Variants in LAMA3 observed in about 807,000 individuals in gnomAD.
LAMA3 encodes laminin subunit alpha 3.
Under a neutral mutation model 402.0 loss-of-function variants are expected in LAMA3, and 281 were observed. The ratio of observed to expected loss-of-function variants is 0.70; its 90% confidence interval spans 0.63 to 0.77. The LOEUF is 0.77. Among genes scored for constraint, LAMA3 ranks in the 30% least tolerant of loss-of-function variants. The pLI is 0.00. For missense variants in LAMA3, 3,840 were observed against 4,215.5 expected (o/e 0.91, Z 2.47); for synonymous variants, 1,431 against 1,558.4 (o/e 0.92, Z 1.93).
chr18:23,794,382 G>A (rs764767811), intron 12 of LAMA3, among the ~76,000 whole-genome samples: 2 of 152,190 alleles, frequency 1.3e-5, no homozygotes, highest in Admixed American at 6.5e-5. Context: ...AACTGTGGGC[G>A]AAAACCGCTA....
chr18:23,695,868 TG>T (rs2060678277), intron 1 of LAMA3, among the ~76,000 whole-genome samples: 1 of 138,346 alleles, frequency 7.2e-6, no homozygotes, highest in African/African-American at 2.7e-5. Context: ...GGCAGTAAGC[TG>T]TGTTGTGTGT....
At chr18:23,884,719 A>G (rs1462011135) in intron 40 of LAMA3, 54 bp from the exon 41 acceptor site, 3 of 1,455,390 alleles carry the variant, frequency 2.1e-6, no homozygotes, top group African/African-American at 2.8e-5. Context: ...AAAAATAAGC[A>G]TAAATCCTAT....
At position 23,689,903 on chromosome 18, in the gene LAMA3, G is replaced by T; in HGVS notation, c.220G>T (p.Gly74Trp). The T allele has an allele frequency of 6.5e-7, 1 of 1,536,336 alleles. No individual in the cohort carries two copies. ...ATCGERGPGE[G>W]RPQPELYCKL... ...CTGCGGGGAGAGGGGACCCGGCGAG[G>T]GGAGGCCCCAGCCCGAGCTCTACTG... Residue 74 changes from glycine (G) to tryptophan (W), a missense_variant, in exon 1 of 75, where the codon GGG becomes TGG. Transcript: ENST00000313654.
chr18:23,775,999 T>C (rs1160612530), intron 10 of LAMA3, 76 bp downstream of exon 10: 1 of 1,496,778 alleles, frequency 6.7e-7, no homozygotes, highest in Non-Finnish European at 9.3e-7. Flanking sequence ...CTCTGAGGCA[T>C]GGTGGACAGG....
At chr18:23,891,825 A>G (rs1338437040) in intron 42 of LAMA3, among the ~76,000 whole-genome samples, 1 of 152,192 alleles carries the variant, frequency 6.6e-6, no homozygotes, top group Admixed American at 6.5e-5. Context: ...TCCATTGTCT[A>G]AAGCCGGGGT....
At chr18:23,768,181 T>G (rs1342587009) in intron 8 of LAMA3, among the ~76,000 whole-genome samples, 1 of 145,612 alleles carries the variant, frequency 6.9e-6, no homozygotes, top group Admixed American at 6.8e-5. Context: ...AAAAAAAAAC[T>G]ATCAGCAGAG....
At chr18:23,835,736 C>T (rs11874617) in intron 24 of LAMA3, among the ~76,000 whole-genome samples, 221 of 152,176 alleles carry the variant, frequency 1.5e-3, no homozygotes, top group African/African-American at 4.7e-3. Flanking sequence ...AAAAATATGG[C>T]GCAACTGGAA....
At position 23,871,508 on chromosome 18, in the gene LAMA3, T is replaced by C. The variant is rs1319281971; in HGVS notation, c.4845T>C (p.Asp1615=). The part of the protein sequence containing the change: ...ELMTVLSRLA[D]VRIQGLYFTE... Reference sequence around the variant, plus strand: ...TGACAGTGCTGTCTAGACTGGCAGATGTGCGCATCCAAGGCCTCTACTTCA... The same window carrying C: ...TGACAGTGCTGTCTAGACTGGCAGACGTGCGCATCCAAGGCCTCTACTTCA... Residue 1615 remains aspartate (D), a synonymous_variant, in exon 38 of 75, where the codon GAT becomes GAC. Transcript: ENST00000313654. 6.2e-7 allele frequency: 1 copy of C among 1,614,180 alleles called. No homozygotes were observed. Among genetic ancestry groups the C allele is most frequent in the Non-Finnish European group, 8.5e-7 (1 of 1,180,024 alleles).
chr18:23,904,965 C>A (rs894429099), intron 51 of LAMA3, among the ~76,000 whole-genome samples: 2 of 151,990 alleles, frequency 1.3e-5, no homozygotes, highest in Non-Finnish European at 2.9e-5. Context: ...TATATCTTAC[C>A]AGGTATGCTT....
chr18:23,921,120 G>A lies in LAMA3; in HGVS notation c.8043+66G>A, dbSNP rs2145310050. The A allele has an allele frequency of 2.6e-6, 4 of 1,519,586 alleles. No individual in the cohort carries two copies. The South Asian group carries it at 4.5e-5, about 17-fold the overall frequency. The allele number at this position is 1,519,586 out of a possible 1,614,324, so 94.1% of individuals were successfully genotyped here. A position where few individuals can be genotyped will look rare whatever the true frequency, so the allele number is the denominator to read the frequency against. On this transcript the variant is annotated intron_variant, in intron 61 of 74. Coordinates refer to ENST00000313654, the MANE Select transcript of LAMA3 (RefSeq NM_198129.4). ...CTTAGTCCTTTAAAATTAAGTCAGT[G>A]CCCCCAAATAAATAAATAAAACTTC...
chr18:23,927,995 G>A, intron 62 of LAMA3, 128 bp from the exon 63 acceptor site: 1 of 766,870 alleles, frequency 1.3e-6, no homozygotes, highest in East Asian at 2.5e-5. Flanking sequence ...GAATCCCATG[G>A]GAAAGGATAA....
chr18:23,917,460 G>A (rs1172714120), intron 60 of LAMA3, among the ~76,000 whole-genome samples: 17 of 152,168 alleles, frequency 1.1e-4, no homozygotes, highest in Non-Finnish European at 2.5e-4. Flanking sequence ...CACAGTGATT[G>A]AACTAATTTA....
chr18:23,825,589 A>G (rs8098244), intron 21 of LAMA3, among the ~76,000 whole-genome samples: 120,885 of 151,986 alleles, frequency 0.8, 48,852 homozygotes, highest in African/African-American at 0.95. Flanking sequence ...ATTCAAGACA[A>G]CAAAGGAACA....
At chr18:23,867,045 G>A (rs752661063) in intron 36 of LAMA3, among the ~76,000 whole-genome samples, 12 of 152,174 alleles carry the variant, frequency 7.9e-5, no homozygotes, top group Admixed American at 2.6e-4. Flanking sequence ...GTGGGCTGGA[G>A]GCTGAGAGCG....
At chr18:23,715,478 G>C (rs1191831313) in intron 2 of LAMA3, among the ~76,000 whole-genome samples, 1 of 152,080 alleles carries the variant, frequency 6.6e-6, no homozygotes, top group East Asian at 1.9e-4. Flanking sequence ...TTAACTGTAG[G>C]GAAATTAAGA....
intron 65 of LAMA3, chr18:23,931,572 C>T (rs1394663835): frequency 4.5e-6 from 1 of 223,834 alleles, no homozygotes; most frequent in African/African-American, 2.3e-5. Context: ...GTGGTGTATT[C>T]AAATGGAATG....
chr18:23,748,991 T>TGA (rs2061699573), intron 3 of LAMA3, among the ~76,000 whole-genome samples: 1 of 152,192 alleles, frequency 6.6e-6, no homozygotes, highest in East Asian at 1.9e-4. Context: ...CTTTTCCCCT[T>TGA]TATGCAGAAT....
chr18:23,820,883 G>T (rs1310600883), intron 19 of LAMA3, among the ~76,000 whole-genome samples: 3 of 152,090 alleles, frequency 2.0e-5, no homozygotes, highest in Admixed American at 6.5e-5. Flanking sequence ...TCCCCTCATT[G>T]ATTCTAATGC....
At chr18:23,884,917 G>T (rs2065021812) in intron 41 of LAMA3, 64 bp downstream of exon 41, 13 of 1,288,914 alleles carry the variant, frequency 1.0e-5, no homozygotes, top group Non-Finnish European at 1.4e-5. Flanking sequence ...GGGTGGGGCT[G>T]CCAGGTGCTG....
Sources: allele counts gnomAD v4.1 joint callset (sites outside exome capture counted in the v4.1 genomes callset), GRCh38; gene constraint gnomAD v4.1.1; transcripts MANE v1.5; gene names NCBI Gene and HGNC (gene_info 2026-07-23, HGNC 2026-07-21).